The following DIMT1 variants were observed in gnomAD, a reference collection of about 807,000 sequenced individuals.
The protein encoded by DIMT1 is dimethyladenosine transferase.
Under a neutral mutation model 43.2 loss-of-function variants are expected in DIMT1, and 36 were observed. The observed-to-expected ratio is 0.83, with a 90% CI of 0.64 to 1.10. The LOEUF is 1.10. Ranked by LOEUF, DIMT1 falls within the 50% of genes least tolerant of loss-of-function variation. DIMT1 has a pLI of 0.00. For missense variants in DIMT1, 341 were observed against 385.3 expected (o/e 0.88, Z 0.96); for synonymous variants, 126 against 130.3 (o/e 0.97, Z 0.22).
rs142478902 is a variant in DIMT1, at chr5:62,398,523, C to A, written c.434G>T (p.Arg145Leu). 8 of 1,611,968 alleles carry A rather than the reference C, an allele frequency of 5.0e-6. No homozygotes were observed. In the South Asian group the frequency reaches 5.5e-5, roughly 11 times the overall value. ...SPFVFKLLLH[R>L]PFFRCAILMF... Reference sequence around the variant, plus strand: ...TTTTGTCACAAACCTGAAAAAAGGTCGATGTAGCAACAGCTTGAAGACAAA... The same window carrying A: ...TTTTGTCACAAACCTGAAAAAAGGTAGATGTAGCAACAGCTTGAAGACAAA... Residue 145 changes from arginine to leucine, a missense_variant, in exon 6 of 12, where the codon CGA (arginine) becomes CTA (leucine). Transcript: ENST00000199320.
intron 11 of DIMT1, among the ~76,000 whole-genome samples, chr5:62,389,382 T>A (rs1002025436): frequency 6.7e-6 from 1 of 149,258 alleles, no homozygotes; most frequent in Non-Finnish European, 1.5e-5. Context: ...GCTACTCGGG[T>A]GGTTGAGGCA....
At chr5:62,403,548 G>T (rs1198552548) in intron 1 of DIMT1, 146 bp downstream of exon 1, 2 of 1,024,546 alleles carry the variant, frequency 2.0e-6, no homozygotes, top group South Asian at 1.5e-5. Context: ...GCCTGCGGCC[G>T]AGTCGGGGAC....
At position 62,394,021 on chromosome 5, in the gene DIMT1, C is replaced by T. The variant is rs759221440; in HGVS notation, c.597G>A (p.Pro199=). Residue 199 remains proline, a synonymous_variant, in exon 8 of 12, where the codon CCG becomes CCA. Coordinates refer to ENST00000199320, the MANE Select transcript of DIMT1 (RefSeq NM_014473.4). ...TTACAACACTGGATTCCACCTTGGG[C>T]GGTGGTCTGAAGTTATTCTTTCCCA... ...MKVGKNNFRP[P]PKVESSVVRI... 33 of 1,611,256 alleles carry T rather than the reference C, an allele frequency of 2.0e-5. No homozygotes were observed. Among genetic ancestry groups the T allele is most frequent in the Non-Finnish European group, 2.5e-5 (30 of 1,179,340 alleles).
Position 62,387,405 on chromosome 5 carries a change from C to CACA in DIMT1, c.*1602_*1604dup, listed in dbSNP as rs144729575. The CACA allele has an allele frequency of 2.8e-3, 426 of 152,266 alleles. 1 individual carries two copies. The highest frequency in any genetic ancestry group is 1.0e-2 in the African/African-American group (414 of 41,524). The allele number at this position is 152,266 out of a possible 1,614,324, so 9.4% of individuals were successfully genotyped here. A position where few individuals can be genotyped will look rare whatever the true frequency, so the allele number is the denominator to read the frequency against. On this transcript the variant is annotated 3_prime_UTR_variant, in exon 12 of 12. Transcript: ENST00000199320. Reference sequence around the variant, plus strand: ...ACATGTGAATTTGCTCATTTTAAAGCACAACAGATGATTAGCTTCAAATTT... The same window carrying CACA: ...ACATGTGAATTTGCTCATTTTAAAGCACAACAACAGATGATTAGCTTCAAATTT...
chr5:62,394,031 A>G lies in DIMT1; in HGVS notation c.587T>C (p.Phe196Ser). Reference protein sequence around the residue: ...DHLMKVGKNNFRPPPKVESSV... With the variant: ...DHLMKVGKNNSRPPPKVESSV... ...GGATTCCACCTTGGGCGGTGGTCTG[A>G]AGTTATTCTTTCCCACCTGTTAATG... is the stretch of plus-strand genomic sequence containing the variant. The change falls in exon 8 of 12, where the codon TTC (phenylalanine) becomes TCC (serine). Residue 196 changes from phenylalanine (F) to serine (S), a missense_variant. By Grantham distance (155) the Phe-to-Ser change is radical. Transcript: ENST00000199320. The G allele has an allele frequency of 6.2e-7, 1 of 1,611,422 alleles. No individual in the cohort carries two copies. Among genetic ancestry groups the G allele is most frequent in the Non-Finnish European group, 8.5e-7 (1 of 1,179,416 alleles).
Position 62,392,941 on chromosome 5 carries a change from A to T in DIMT1, c.713T>A (p.Leu238His), listed in dbSNP as rs1177727245. The T allele has an allele frequency of 1.2e-6, 2 of 1,608,338 alleles. No homozygotes were observed. Among genetic ancestry groups the T allele is most frequent in the Admixed American group, 1.7e-5 (1 of 59,928 alleles). Residue 238 changes from leucine (L) to histidine (H), a missense_variant, in exon 9 of 12, where the codon CTC (leucine) becomes CAC (histidine). Coordinates refer to ENST00000199320, the MANE Select transcript of DIMT1 (RefSeq NM_014473.4). ...TAATACTTACTTAAATGCAGCAGAG[A>T]GTGTCTTGTTTTTCCTAACAAAGGT... is the stretch of plus-strand genomic sequence containing the variant. ...RITFVRKNKT[L>H]SAAFKSSAVQ...
intron 1 of DIMT1, 139 bp from the exon 2 acceptor site, chr5:62,403,485 C>T (rs2112062261): frequency 1.0e-6 from 1 of 999,148 alleles, no homozygotes; most frequent in East Asian, 2.6e-5. Context: ...GACTGACAAA[C>T]TCTTTATAAG....
chr5:62,401,564 A>C (rs1393596841), intron 3 of DIMT1, among the ~76,000 whole-genome samples: 1 of 148,964 alleles, frequency 6.7e-6, no homozygotes, highest in African/African-American at 2.5e-5. Context: ...TCCTCACTGA[A>C]ATATCTCATA....
At chr5:62,392,302 CTT>C in intron 9 of DIMT1, 68 bp from the exon 10 acceptor site, 2 of 1,402,332 alleles carry the variant, frequency 1.4e-6, no homozygotes, top group Non-Finnish European at 2.0e-6. Flanking sequence ...CTTTTTTAAA[CTT>C]TTTTTTAACT....
chr5:62,389,485 C>CAAAAAAAAAAAAAAAAAAAAAAA lies in DIMT1; in HGVS notation c.900-434_900-433insTTTTTTTTTTTTTTTTTTTTTTT, dbSNP rs775533413. Among the ~76,000 whole-genome samples the CAAAAAAAAAAAAAAAAAAAAAAA allele has an allele frequency of 5.8e-4, 44 of 75,894 alleles. 2 individuals are homozygous for CAAAAAAAAAAAAAAAAAAAAAAA. Among genetic ancestry groups the CAAAAAAAAAAAAAAAAAAAAAAA allele is most frequent in the African/African-American group, 2.3e-3 (40 of 17,532 alleles). The allele number at this position is 75,894 out of a possible 152,430, so 49.8% of individuals were successfully genotyped here. ...TGGGTGACAGAGCAAGACTCTGTCT[C>CAAAAAAAAAAAAAAAAAAAAAAA]AAAAAAAAAAAAAAAAGAAATGTTA... On this transcript the variant is annotated intron_variant, in intron 11 of 11. Coordinates refer to ENST00000199320, the MANE Select transcript of DIMT1 (RefSeq NM_014473.4).
rs1210105146 is a variant in DIMT1 at position 62,389,006 on chromosome 5, AT to A, written c.*3del. 1.9e-6 allele frequency: 3 copies of A among 1,605,634 alleles called. No homozygotes were observed. Among genetic ancestry groups the A allele is most frequent in the Non-Finnish European group, 2.5e-6 (3 of 1,177,564 alleles). Reference sequence around the variant, plus strand: ...GACCTTGAAAATTTCTGTTTTCCAAATACCTAGGAAAAATGAATACCTTCTG... The same window carrying A: ...GACCTTGAAAATTTCTGTTTTCCAAAACCTAGGAAAAATGAATACCTTCTG... On this transcript the variant is annotated 3_prime_UTR_variant, in exon 12 of 12. Coordinates refer to ENST00000199320, the MANE Select transcript of DIMT1 (RefSeq NM_014473.4).
In DIMT1 at chr5:62,387,761, T is replaced by C. The variant is rs1742106331; in HGVS notation, c.*1249A>G. On this transcript the variant is annotated 3_prime_UTR_variant, in exon 12 of 12. Transcript: ENST00000199320. ...ATTAAACAAAAAAATCTACTCTTAA[T>C]GTATATTATTTCATATTTGTTTAAC... 1 of 113,450 alleles carries C rather than the reference T, an allele frequency of 8.8e-6. No homozygotes were observed. The highest frequency in any genetic ancestry group is 2.4e-4 in the South Asian group (1 of 4,090). 7.0% of individuals were successfully genotyped at this position (113,450 alleles called of 1,614,324 possible). A position where few individuals can be genotyped will look rare whatever the true frequency, so the allele number is the denominator to read the frequency against.
At chr5:62,395,026 C>A (rs1358443721) in intron 6 of DIMT1, among the ~76,000 whole-genome samples, 1 of 143,776 alleles carries the variant, frequency 7.0e-6, no homozygotes, top group East Asian at 2.0e-4. Flanking sequence ...AAGATGTAGA[C>A]TTTTTTTTTT....
chr5:62,390,948 A>G lies in DIMT1; in HGVS notation c.827T>C (p.Ile276Thr). The G allele has an allele frequency of 6.2e-7, 1 of 1,612,994 alleles. No homozygotes were observed. The highest frequency in any genetic ancestry group is 8.5e-7 in the Non-Finnish European group (1 of 1,179,908). The change falls in exon 11 of 12, where the codon ATA becomes ACA. Residue 276 changes from isoleucine to threonine, a missense_variant. Physicochemically the swap from Ile to Thr is moderately conservative, Grantham distance 89. Transcript: ENST00000199320. ...IPEDFSIADK[I>T]QQILTSTGFS... ...ACCTGTGCTGGTTAGGATTTGCTGT[A>G]TTTTATCTGCTATGCTGAAATCTTC...
chr5:62,394,714 T>C, intron 6 of DIMT1, 107 bp from the exon 7 acceptor site: 1 of 1,495,958 alleles, frequency 6.7e-7, no homozygotes, highest in Non-Finnish European at 9.1e-7. Flanking sequence ...CATTGGCAGC[T>C]GATTATAAGG....
Position 62,394,591 on chromosome 5 carries a change from A to C in DIMT1, c.463T>G (p.Phe155Val). The C allele has an allele frequency of 6.2e-7, 1 of 1,614,200 alleles. No homozygotes were observed. Among genetic ancestry groups the C allele is most frequent in the Non-Finnish European group, 8.5e-7 (1 of 1,180,014 alleles). Residue 155 changes from phenylalanine to valine, a missense_variant, in exon 7 of 12, where the codon TTT (phenylalanine) becomes GTT (valine). By Grantham distance (50) the Phe-to-Val change is conservative. Transcript: ENST00000199320. Reference protein sequence around the residue: ...RPFFRCAILMFQREFALRLVA... With the variant: ...RPFFRCAILMVQREFALRLVA... ...AGTCGGAGGGCAAATTCTCTTTGAA[A>C]CATAAGTATAGCACACCTGAAAAGA...
At chr5:62,396,780 T>G (rs928792672) in intron 6 of DIMT1, among the ~76,000 whole-genome samples, 1 of 152,138 alleles carries the variant, frequency 6.6e-6, no homozygotes, top group Non-Finnish European at 1.5e-5. Context: ...AAAAAAAAAC[T>G]GTTGCTATGA....
At chr5:62,391,670 GCA>G in intron 10 of DIMT1, 1 of 1,163,046 alleles carries the variant, frequency 8.6e-7, no homozygotes, top group Non-Finnish European at 1.1e-6. Context: ...ACATCACATC[GCA>G]CACACTGTTA....
At position 62,403,842 on chromosome 5, in the gene DIMT1, ACCACGTGGGGATCGCCG is replaced by A; in HGVS notation, c.-87_-71del. The A allele has an allele frequency of 6.6e-7, 1 of 1,515,818 alleles. No homozygotes were observed. The allele number at this position is 1,515,818 out of a possible 1,614,324, so 93.9% of individuals were successfully genotyped here. A position where few individuals can be genotyped will look rare whatever the true frequency, so the allele number is the denominator to read the frequency against. On this transcript the variant is annotated 5_prime_UTR_variant, in exon 1 of 12. Coordinates refer to ENST00000199320, the MANE Select transcript of DIMT1 (RefSeq NM_014473.4). The stretch of plus-strand genomic sequence containing the variant: ...CAAAGAGGGCTAGCGTGAGAAAGCC[ACCACGTGGGGATCGCCG>A]CCACGCGCCGCCCGCACCACTCTGG...
Sources: allele counts gnomAD v4.1 joint callset (sites outside exome capture counted in the v4.1 genomes callset), GRCh38; gene constraint gnomAD v4.1.1; transcripts MANE v1.5; gene names NCBI Gene and HGNC (gene_info 2026-07-23, HGNC 2026-07-21).